Variants in PLSCR4 observed in about 807,000 individuals in gnomAD.
The protein encoded by PLSCR4 is Ca(2+)-dependent phospholipid scramblase 4.
PLSCR4 carries 25 observed loss-of-function variants against 36.3 expected under a neutral mutation model. The observed-to-expected ratio is 0.69, with a 90% CI of 0.50 to 0.96. The LOEUF (loss-of-function observed/expected upper bound fraction) is 0.96. PLSCR4 is among the 40% of genes least tolerant of loss of function. PLSCR4 has a pLI of 0.00. For missense variants in PLSCR4, 408 were observed against 414.7 expected, an observed-to-expected ratio of 0.98 and a Z score of 0.14; for synonymous variants, 122 against 132.9, an observed-to-expected ratio of 0.92 and a Z score of 0.56.
Position 146,220,843 on chromosome 3 carries a change from AG to A in PLSCR4, c.89del (p.Pro30LeufsTer68). 6.2e-7 allele frequency: 1 copy of A among 1,611,432 alleles called. No homozygotes were observed. Among genetic ancestry groups the A allele is most frequent in the Non-Finnish European group, 8.5e-7 (1 of 1,177,660 alleles). On this transcript the variant is annotated frameshift_variant, in exon 3 of 9. Coordinates refer to ENST00000354952, the MANE Select transcript of PLSCR4 (RefSeq NM_020353.3). LOFTEE classifies it high-confidence loss of function. ...TKPPDPRPDA[P>X]PEYNSHFLPG... ...GTAAAAAATGAGAATTGTATTCAGG[AG>A]GAGCATCAGGCCTTGGATCTGGTGG...
intron 1 of PLSCR4, among the ~76,000 whole-genome samples, chr3:146,238,756 A>G (rs1014773270): frequency 8.5e-5 from 13 of 152,264 alleles, no homozygotes; most frequent in African/African-American, 3.1e-4. Flanking sequence ...TACTGTTACT[A>G]TTTCTTTTCA....
chr3:146,249,716 A>T (rs1350299870), intron 1 of PLSCR4, among the ~76,000 whole-genome samples: 1 of 151,866 alleles, frequency 6.6e-6, no homozygotes, highest in African/African-American at 2.4e-5. Flanking sequence ...ACATGAGCTA[A>T]ACAGTACAGT....
At chr3:146,245,943 CT>C (rs942577577) in intron 1 of PLSCR4, among the ~76,000 whole-genome samples, 10 of 151,992 alleles carry the variant, frequency 6.6e-5, no homozygotes, top group Admixed American at 2.0e-4. Flanking sequence ...GTGTTAATTA[CT>C]TTTATGGGTT....
intron 1 of PLSCR4, chr3:146,250,753 C>T (rs964225909): frequency 1.4e-4 from 22 of 152,158 alleles, no homozygotes; most frequent in African/African-American, 3.6e-4. Flanking sequence ...CAGACGCGCG[C>T]CCGACACCAC....
chr3:146,216,827 C>T (rs568723051), intron 3 of PLSCR4, among the ~76,000 whole-genome samples: 2 of 152,156 alleles, frequency 1.3e-5, no homozygotes, highest in African/African-American at 2.4e-5. Context: ...TTAAGTTCTA[C>T]CCTTTCACCT....
intron 4 of PLSCR4, among the ~76,000 whole-genome samples, chr3:146,202,335 G>T (rs1455164124): frequency 6.6e-6 from 1 of 151,938 alleles, no homozygotes; most frequent in Admixed American, 6.6e-5. Context: ...TTGTAAGAAA[G>T]TGAGTGACAT....
chr3:146,246,056 T>C (rs886741972), intron 1 of PLSCR4, among the ~76,000 whole-genome samples: 1 of 152,092 alleles, frequency 6.6e-6, no homozygotes, highest in Non-Finnish European at 1.5e-5. Context: ...CTTGTAAACT[T>C]AGTAAGTTTC....
chr3:146,218,716 G>A (rs1044457974), intron 3 of PLSCR4, among the ~76,000 whole-genome samples: 2 of 152,122 alleles, frequency 1.3e-5, no homozygotes, highest in Non-Finnish European at 2.9e-5. Flanking sequence ...TTAACTTTGT[G>A]TAACTATAGC....
At chr3:146,201,122 C>T (rs748482853) in intron 4 of PLSCR4, 45 bp from the exon 5 acceptor site, 2 of 1,152,892 alleles carry the variant, frequency 1.7e-6, no homozygotes, top group African/African-American at 1.6e-5. Flanking sequence ...AATAACAGAA[C>T]TAAAATACCA....
chr3:146,244,325 A>T (rs2036263392), intron 1 of PLSCR4, among the ~76,000 whole-genome samples: 1 of 152,110 alleles, frequency 6.6e-6, no homozygotes, highest in Non-Finnish European at 1.5e-5. Flanking sequence ...TTCTCAAGAT[A>T]CCTCATTATG....
intron 1 of PLSCR4, among the ~76,000 whole-genome samples, chr3:146,243,666 C>CT (rs2107858639): frequency 6.6e-6 from 1 of 152,246 alleles, no homozygotes; most frequent in South Asian, 2.1e-4. Context: ...CTGAAGGACT[C>CT]TAAGAGCATT....
intron 1 of PLSCR4, among the ~76,000 whole-genome samples, chr3:146,228,415 C>G (rs767214368): frequency 1.3e-5 from 2 of 151,802 alleles, no homozygotes; most frequent in Admixed American, 6.6e-5. Context: ...CAGTAATGTT[C>G]TAGCAAATGG....
At chr3:146,198,904 T>G (rs911011426) in intron 6 of PLSCR4, among the ~76,000 whole-genome samples, 14 of 152,114 alleles carry the variant, frequency 9.2e-5, no homozygotes, top group Admixed American at 9.2e-4. Flanking sequence ...AGGAGTAAGA[T>G]TTCTGAAAAG....
chr3:146,215,753 C>G (rs2108274293), intron 3 of PLSCR4, among the ~76,000 whole-genome samples: 1 of 152,264 alleles, frequency 6.6e-6, no homozygotes, highest in South Asian at 2.1e-4. Flanking sequence ...ATGAACAAGG[C>G]TAGAACAGTA....
rs541618611 is a variant in PLSCR4, at chr3:146,250,241, A to T, written c.-22+719T>A. On this transcript the variant is annotated intron_variant, in intron 1 of 8. Coordinates refer to ENST00000354952, the MANE Select transcript of PLSCR4 (RefSeq NM_020353.3). ...TGTGTTCTATTACTATTACAGGAGA[A>T]TGCAATTTAAATTAGGCAATCTATT... is the stretch of plus-strand genomic sequence containing the variant. Among the ~76,000 whole-genome samples the T allele has an allele frequency of 2.6e-5, 4 of 152,294 alleles. No individual in the cohort carries two copies. The South Asian group carries it at 8.3e-4, about 32-fold the overall frequency.
At chr3:146,247,408 AT>A (rs767490641) in intron 1 of PLSCR4, among the ~76,000 whole-genome samples, 2 of 148,494 alleles carry the variant, frequency 1.3e-5, no homozygotes, top group Non-Finnish European at 3.0e-5. Flanking sequence ...AAAAAAAAAA[AT>A]TGGTTTTATT....
At chr3:146,209,707 A>G (rs2034524719) in intron 3 of PLSCR4, among the ~76,000 whole-genome samples, 1 of 152,084 alleles carries the variant, frequency 6.6e-6, no homozygotes, top group African/African-American at 2.4e-5. Flanking sequence ...AAATTTATAA[A>G]TAACTGGGTC....
chr3:146,209,856 A>G (rs1370176980), intron 3 of PLSCR4, among the ~76,000 whole-genome samples: 1 of 152,120 alleles, frequency 6.6e-6, no homozygotes, highest in Non-Finnish European at 1.5e-5. Context: ...GGCCAGGCTC[A>G]GATAAAGAAA....
At chr3:146,218,318 T>G (rs574538988) in intron 3 of PLSCR4, among the ~76,000 whole-genome samples, 28 of 152,086 alleles carry the variant, frequency 1.8e-4, no homozygotes, top group African/African-American at 6.5e-4. Context: ...AAAAATCATA[T>G]GAATTATCTC....
Sources: allele counts gnomAD v4.1 joint callset (sites outside exome capture counted in the v4.1 genomes callset), GRCh38; gene constraint gnomAD v4.1.1; transcripts MANE v1.5; gene names NCBI Gene and HGNC (gene_info 2026-07-23, HGNC 2026-07-21).